The following SORCS1 variants were observed in gnomAD, a reference collection of about 807,000 sequenced individuals.
SORCS1 encodes VPS10 domain-containing receptor SorCS1.
In SORCS1, 60 loss-of-function variants were observed where a neutral mutation model predicts 146.1. The ratio of observed to expected loss-of-function variants is 0.41; its 90% confidence interval spans 0.33 to 0.51. SORCS1 has a LOEUF of 0.51. Ranked by LOEUF, SORCS1 falls within the 20% of genes least tolerant of loss-of-function variation. The pLI is 0.21. For missense variants in SORCS1, 1,352 were observed against 1,487.6 expected (o/e 0.91, Z 1.50); for synonymous variants, 637 against 584.0 (o/e 1.09, Z -1.31).
intron 1 of SORCS1, among the ~76,000 whole-genome samples, chr10:107,076,769 T>C (rs1490114993): frequency 1.3e-5 from 2 of 152,128 alleles, no homozygotes; most frequent in Non-Finnish European, 2.9e-5. Flanking sequence ...AGGTGTTCCC[T>C]GGAGTTTACT....
chr10:107,093,386 G>A (rs1424824777), intron 1 of SORCS1, among the ~76,000 whole-genome samples: 1 of 152,072 alleles, frequency 6.6e-6, no homozygotes, highest in Non-Finnish European at 1.5e-5. Context: ...TACAAAGCGA[G>A]TCTTTCGGCC....
At chr10:106,733,326 A>G (rs1022251179) in intron 5 of SORCS1, among the ~76,000 whole-genome samples, 1 of 152,174 alleles carries the variant, frequency 6.6e-6, no homozygotes, top group Non-Finnish European at 1.5e-5. Context: ...TTATTTGATG[A>G]TGCCTCACCC....
chr10:106,835,189 C>G (rs1056911955), intron 2 of SORCS1, among the ~76,000 whole-genome samples: 5 of 152,170 alleles, frequency 3.3e-5, no homozygotes, highest in Admixed American at 2.6e-4. Context: ...AAAAAAGGAT[C>G]AGTATAGGAT....
chr10:106,851,121 G>A (rs1949553824), intron 2 of SORCS1, among the ~76,000 whole-genome samples: 1 of 152,082 alleles, frequency 6.6e-6, no homozygotes, highest in South Asian at 2.1e-4. Flanking sequence ...TCATCAGATA[G>A]GTCTTTTATA....
rs1969962652 is a variant in SORCS1, at chr10:107,164,507, C to G, written c.20G>C (p.Gly7Ala). The G allele has an allele frequency of 7.4e-7, 1 of 1,347,276 alleles. No homozygotes were observed. Among genetic ancestry groups the G allele is most frequent in the Non-Finnish European group, 9.5e-7 (1 of 1,056,594 alleles). The allele number at this position is 1,347,276 out of a possible 1,614,324, so 83.5% of individuals were successfully genotyped here. A position where few individuals can be genotyped will look rare whatever the true frequency, so the allele number is the denominator to read the frequency against. MGKVGA[G>A]GGSQARLSAL... ...GCTCAGCCGGGCTTGGGAGCCGCCG[C>G]CGGCGCCAACTTTTCCCATCGCGGG... The change falls in exon 1 of 26, where the codon GGC becomes GCC. Residue 7 changes from glycine (G) to alanine (A), a missense_variant. By Grantham distance (60) the Gly-to-Ala change is moderately conservative (BLOSUM62 0). Coordinates refer to ENST00000263054, the MANE Select transcript of SORCS1 (RefSeq NM_052918.5). This position sits in a 1 kb window ranked among gnomAD's most constrained non-coding sequence, Gnocchi z 6.8.
intron 2 of SORCS1, among the ~76,000 whole-genome samples, chr10:106,927,599 G>A (rs983524687): frequency 3.3e-5 from 5 of 152,190 alleles, no homozygotes; most frequent in African/African-American, 9.7e-5. Flanking sequence ...ACATCCTGCC[G>A]ATTGGTAGAG....
intron 1 of SORCS1, among the ~76,000 whole-genome samples, chr10:106,996,514 A>G (rs954560527): frequency 3.9e-5 from 6 of 152,176 alleles, no homozygotes; most frequent in Admixed American, 3.9e-4. Context: ...TTTGAGCTCA[A>G]CCTTGGCCCC....
At position 106,664,803 on chromosome 10, in the gene SORCS1, T is replaced by C. The variant is rs57908636; in HGVS notation, c.2303+2886A>G. On this transcript the variant is annotated intron_variant, in intron 17 of 25. Transcript: ENST00000263054. ...CAAAGACAGACTAATATAACTTCCT[T>C]GACTGATTGAGCTGGTTAAAAAAAA... is the stretch of plus-strand genomic sequence containing the variant. 3.9e-3 allele frequency among the ~76,000 whole-genome samples: 591 copies of C among 152,158 alleles called. 1 individual carries two copies. Among genetic ancestry groups the C allele is most frequent in the African/African-American group, 0.013 (544 of 41,490 alleles).
At chr10:106,759,885 A>G (rs935328376) in intron 5 of SORCS1, among the ~76,000 whole-genome samples, 1 of 147,770 alleles carries the variant, frequency 6.8e-6, no homozygotes, top group African/African-American at 2.5e-5. Context: ...GTAGTTAACT[A>G]AAAATAATGA....
intron 1 of SORCS1, among the ~76,000 whole-genome samples, chr10:107,135,951 T>A (rs960203823): frequency 2.0e-5 from 3 of 152,200 alleles, no homozygotes; most frequent in Non-Finnish European, 4.4e-5. Flanking sequence ...ATATTACATA[T>A]GGTTGTTATA....
At chr10:107,134,587 C>T (rs781017588) in intron 1 of SORCS1, among the ~76,000 whole-genome samples, 19 of 152,108 alleles carry the variant, frequency 1.2e-4, no homozygotes, top group Non-Finnish European at 2.4e-4. Context: ...TGCAGTGAGC[C>T]GAGATCGCGC....
intron 1 of SORCS1, among the ~76,000 whole-genome samples, chr10:106,984,009 A>G (rs1223282757): frequency 6.6e-6 from 1 of 152,248 alleles, no homozygotes. Flanking sequence ...AAAGCCAGTT[A>G]TTAAAAAATT....
chr10:106,800,970 C>T (rs937528127), intron 3 of SORCS1, among the ~76,000 whole-genome samples: 3 of 152,132 alleles, frequency 2.0e-5, no homozygotes, highest in East Asian at 1.9e-4. Context: ...TCTACTTTGT[C>T]GTTATTTCCT....
At chr10:106,941,346 TA>T (rs1954032947) in intron 2 of SORCS1, among the ~76,000 whole-genome samples, 1 of 152,148 alleles carries the variant, frequency 6.6e-6, no homozygotes, top group African/African-American at 2.4e-5. Context: ...AGTGTCACCA[TA>T]AGCCTATTAG....
In SORCS1 at chr10:106,667,802, G is replaced by A. The variant is rs539985772; in HGVS notation, c.2190C>T (p.Cys730=). 16 of 1,612,746 alleles carry A rather than the reference G, an allele frequency of 9.9e-6. No homozygotes were observed. The highest frequency in any genetic ancestry group is 1.7e-4 in the Middle Eastern group (1 of 6,058). ...TGCTGTGTCGCTCATAACCATAGTC[G>A]CTGTTAGGAAAGAGCCGAGAAAAAC... is the stretch of plus-strand genomic sequence containing the variant. ...PCVCTEADFD[C]DYGYERHSNG... is the part of the protein sequence containing the mutation. Residue 730 remains cysteine (C), a splice_region_variant and synonymous_variant, in exon 17 of 26, where the codon TGC becomes TGT. Transcript: ENST00000263054.
intron 2 of SORCS1, among the ~76,000 whole-genome samples, chr10:106,951,302 G>A (rs943961852): frequency 6.6e-6 from 1 of 152,022 alleles, no homozygotes; most frequent in Non-Finnish European, 1.5e-5. Context: ...ACGAGGTCAG[G>A]AGATCGAGAC....
chr10:107,011,853 T>A (rs1231049822), intron 1 of SORCS1, among the ~76,000 whole-genome samples: 1 of 152,222 alleles, frequency 6.6e-6, no homozygotes, highest in Non-Finnish European at 1.5e-5. Context: ...ATACCTGGAA[T>A]ATTCTGGGTT....
At chr10:106,950,677 T>A (rs1386471214) in intron 2 of SORCS1, among the ~76,000 whole-genome samples, 8 of 151,982 alleles carry the variant, frequency 5.3e-5, no homozygotes, top group African/African-American at 1.9e-4. Flanking sequence ...CTATAAAATA[T>A]CCTGTTGCTT....
chr10:107,159,490 T>G (rs976751258), intron 1 of SORCS1, among the ~76,000 whole-genome samples: 1 of 152,202 alleles, frequency 6.6e-6, no homozygotes, highest in Non-Finnish European at 1.5e-5. Flanking sequence ...GAGAAATCTT[T>G]CTTCCCATGA....
Sources: gnomAD v4.1 joint callset for allele counts (sites outside exome capture counted in the v4.1 genomes callset) on GRCh38, gnomAD v4.1.1 for gene constraint, Gnocchi (gnomAD v3.1) non-coding constraint, MANE v1.5 for transcripts, NCBI Gene and HGNC (gene_info 2026-07-23, HGNC 2026-07-21) for gene names.